The following NFXL1 variants were observed in gnomAD, a reference collection of about 807,000 sequenced individuals.
NFXL1 encodes the protein nuclear transcription factor, X-box binding like 1.
In NFXL1, 66 loss-of-function variants were observed where a neutral mutation model predicts 123.3. That is an observed-to-expected ratio of 0.54 (90% CI 0.44 to 0.66). NFXL1 has a LOEUF of 0.66. Among genes scored for constraint, NFXL1 ranks in the 30% least tolerant of loss-of-function variants. NFXL1 has a pLI of 0.00. For synonymous variants in NFXL1, 346 were observed against 360.8 expected (o/e 0.96, Z 0.46); for missense variants, 944 against 1,125.6 (o/e 0.84, Z 2.31).
intron 15 of NFXL1, among the ~76,000 whole-genome samples, chr4:47,879,522 C>G (rs1183217522): frequency 6.6e-6 from 1 of 152,122 alleles, no homozygotes; most frequent in Non-Finnish European, 1.5e-5. Flanking sequence ...CCAGATTCAA[C>G]ATGATTCCAA....
chr4:47,906,517 C>G (rs1435426443), intron 3 of NFXL1, among the ~76,000 whole-genome samples: 2 of 152,178 alleles, frequency 1.3e-5, no homozygotes, highest in African/African-American at 4.8e-5. Flanking sequence ...CAAACATACT[C>G]TCAAAACTAT....
intron 18 of NFXL1, among the ~76,000 whole-genome samples, chr4:47,874,859 A>AT (rs1264262380): frequency 6.6e-6 from 1 of 152,084 alleles, no homozygotes; most frequent in Non-Finnish European, 1.5e-5. Context: ...GAGTATTTAA[A>AT]TTTTTTTTAA....
intron 19 of NFXL1, 22 bp from the exon 20 acceptor site, chr4:47,855,185 G>A (rs777526196): frequency 3.0e-6 from 4 of 1,335,784 alleles, no homozygotes; most frequent in Non-Finnish European, 4.3e-6. Flanking sequence ...TCAAAATAAA[G>A]CAATTACATA....
chr4:47,893,026 T>C (rs1044044450), intron 11 of NFXL1, among the ~76,000 whole-genome samples: 4 of 151,812 alleles, frequency 2.6e-5, no homozygotes, highest in South Asian at 2.1e-4. Context: ...ACGGAAGATA[T>C]AAAAAAGACC....
intron 14 of NFXL1, 149 bp from the exon 15 acceptor site, chr4:47,884,586 T>C: frequency 1.8e-6 from 1 of 542,894 alleles, no homozygotes; most frequent in Non-Finnish European, 3.4e-6. Flanking sequence ...CTGAAATATT[T>C]CATTTTATCT....
chr4:47,900,606 CAGT>C (rs1168185840), intron 5 of NFXL1, among the ~76,000 whole-genome samples: 1 of 152,156 alleles, frequency 6.6e-6, no homozygotes, highest in Non-Finnish European at 1.5e-5. Flanking sequence ...TAAGTGTTGG[CAGT>C]AGAAGTGTTA....
rs563656113 is a variant in NFXL1 at position 47,894,267 on chromosome 4, T to G, written c.1365A>C (p.Thr455=). 6.2e-7 allele frequency: 1 copy of G among 1,603,112 alleles called. No individual in the cohort carries two copies. The highest frequency in any genetic ancestry group is 8.5e-7 in the Non-Finnish European group (1 of 1,174,038). The change falls in exon 11 of 23, where the codon ACA becomes ACC. Residue 455 remains threonine, a synonymous_variant. Coordinates refer to ENST00000507489, the MANE Select transcript of NFXL1 (RefSeq NM_001278624.2). ...AAGGTTTATGACAAGGCATTCGTTTTGTATGCTTTCCACAGCGACAATGCT... is the reference window on the plus strand; with the variant it reads ...AAGGTTTATGACAAGGCATTCGTTTGGTATGCTTTCCACAGCGACAATGCT... ...VEKHCRCGKH[T]KRMPCHKPYL... is the part of the protein sequence containing the mutation.
chr4:47,903,490 T>C (rs2110103731), intron 4 of NFXL1, among the ~76,000 whole-genome samples, 167 bp from the exon 5 acceptor site: 1 of 152,346 alleles, frequency 6.6e-6, no homozygotes, highest in East Asian at 1.9e-4. Context: ...GGGAAATGCA[T>C]TTAAATGTAG....
intron 15 of NFXL1, among the ~76,000 whole-genome samples, chr4:47,880,911 T>C (rs1289969885): frequency 6.6e-6 from 1 of 151,242 alleles, no homozygotes. Context: ...AAAAAGTTGA[T>C]CTTATAGAAA....
chr4:47,873,498 C>G (rs1017411862), intron 18 of NFXL1, among the ~76,000 whole-genome samples: 3 of 152,174 alleles, frequency 2.0e-5, no homozygotes, highest in Admixed American at 6.5e-5. Context: ...CCTTGTATAT[C>G]TCCATTATAG....
chr4:47,880,153 T>C (rs1736001978), intron 15 of NFXL1, among the ~76,000 whole-genome samples: 1 of 151,924 alleles, frequency 6.6e-6, no homozygotes, highest in Admixed American at 6.6e-5. Flanking sequence ...CCCTACACTT[T>C]AGGAGGCTGA....
chr4:47,866,252 C>T (rs1449248649), intron 18 of NFXL1, among the ~76,000 whole-genome samples: 1 of 152,056 alleles, frequency 6.6e-6, no homozygotes, highest in Non-Finnish European at 1.5e-5. Flanking sequence ...CTTCTTTAGA[C>T]CCGGCAAAAG....
rs987992504 is a variant in NFXL1 at position 47,884,999 on chromosome 4, C to A, written c.1824+499G>T. Among the ~76,000 whole-genome samples, 187 of 151,744 alleles carry A rather than the reference C, an allele frequency of 1.2e-3. 1 individual carries two copies. The highest frequency in any genetic ancestry group is 4.2e-3 in the African/African-American group (174 of 41,402). On this transcript the variant is annotated intron_variant, in intron 14 of 22. Coordinates refer to ENST00000507489, the MANE Select transcript of NFXL1 (RefSeq NM_001278624.2). ...AAAATTAGCTGGGCATGGTAGCAGGCACCTATAATCCCAGCTACTCAGGAG... is the reference window on the plus strand; with the variant it reads ...AAAATTAGCTGGGCATGGTAGCAGGAACCTATAATCCCAGCTACTCAGGAG...
chr4:47,878,697 C>A, intron 16 of NFXL1, 32 bp from the exon 17 acceptor site: 1 of 1,446,128 alleles, frequency 6.9e-7, no homozygotes, highest in Non-Finnish European at 9.1e-7. Flanking sequence ...GCACAGCACA[C>A]ATTACTCAAA....
At chr4:47,862,437 C>T (rs537308900) in intron 19 of NFXL1, among the ~76,000 whole-genome samples, 76 of 152,206 alleles carry the variant, frequency 5.0e-4, no homozygotes, top group African/African-American at 1.8e-3. Context: ...CACATTATTC[C>T]ACCACAGATG....
At chr4:47,849,258 A>G (rs1733982198) in intron 22 of NFXL1, among the ~76,000 whole-genome samples, 1 of 152,214 alleles carries the variant, frequency 6.6e-6, no homozygotes, top group African/African-American at 2.4e-5. Flanking sequence ...TTAGACATAA[A>G]AATTTTAAAC....
chr4:47,907,424 A>G (rs1051838886), intron 3 of NFXL1, among the ~76,000 whole-genome samples: 1 of 152,254 alleles, frequency 6.6e-6, no homozygotes, highest in Non-Finnish European at 1.5e-5. Context: ...TCCACGTGCC[A>G]GCAAGATAGA....
intron 4 of NFXL1, among the ~76,000 whole-genome samples, chr4:47,904,069 G>T (rs1442606441): frequency 2.6e-5 from 4 of 152,130 alleles, no homozygotes; most frequent in Non-Finnish European, 5.9e-5. Flanking sequence ...TCTTAGTTTG[G>T]GTTACCCCCA....
At chr4:47,907,282 G>C (rs1430113633) in intron 3 of NFXL1, among the ~76,000 whole-genome samples, 1 of 152,236 alleles carries the variant, frequency 6.6e-6, no homozygotes, top group Non-Finnish European at 1.5e-5. Context: ...GAGAATTGCA[G>C]TAAATGACAT....
Sources: gnomAD v4.1 joint callset for allele counts (sites outside exome capture counted in the v4.1 genomes callset) on GRCh38, gnomAD v4.1.1 for gene constraint, MANE v1.5 for transcripts, NCBI Gene and HGNC (gene_info 2026-07-23, HGNC 2026-07-21) for gene names.